The following NRG1 variants were observed in gnomAD, a reference collection of about 807,000 sequenced individuals.
NRG1 encodes neuregulin 1.
A neutral mutation model predicts 63.8 loss-of-function variants in NRG1; 18 were observed. That is an observed-to-expected ratio of 0.28 (90% CI 0.19 to 0.42). NRG1 has a LOEUF of 0.42. Ranked by LOEUF, NRG1 falls within the 10% of genes least tolerant of loss-of-function variation. The probability of loss-of-function intolerance (pLI) is 1.00; values close to 1 mark genes in which losing one functional copy is unlikely to be tolerated. For synonymous variants in NRG1, 302 were observed against 301.3 expected (o/e 1.00, Z -0.02); for missense variants, 762 against 814.7 (o/e 0.94, Z 0.79).
intron 1 of NRG1, among the ~76,000 whole-genome samples, chr8:31,719,933 A>G (rs1812738010): frequency 6.6e-6 from 1 of 152,236 alleles, no homozygotes; most frequent in African/African-American, 2.4e-5. Context: ...TAGTTTAGAC[A>G]TAGCTTTTCT....
chr8:31,886,549 G>T (rs1235962311), intron 1 of NRG1, among the ~76,000 whole-genome samples: 1 of 152,062 alleles, frequency 6.6e-6, no homozygotes, highest in African/African-American at 2.4e-5. Flanking sequence ...AATGACAAGG[G>T]TAGGCAATCA....
At chr8:32,230,690 G>T (rs911858600) in intron 1 of NRG1, among the ~76,000 whole-genome samples, 2 of 152,174 alleles carry the variant, frequency 1.3e-5, no homozygotes, top group Admixed American at 1.3e-4. Context: ...GAGTATAAAT[G>T]AAGTGTCAAA....
intron 1 of NRG1, among the ~76,000 whole-genome samples, chr8:32,171,060 G>A (rs1020858179): frequency 9.2e-5 from 14 of 152,110 alleles, no homozygotes; most frequent in African/African-American, 3.4e-4. Context: ...CTTCCTGTGT[G>A]TCTAGCTTGT....
chr8:32,415,599 A>G (rs778068050), intron 1 of NRG1, among the ~76,000 whole-genome samples: 4 of 152,206 alleles, frequency 2.6e-5, no homozygotes, highest in Non-Finnish European at 4.4e-5. Context: ...AGAGGAAAAC[A>G]GTAATTTTTG....
At chr8:31,838,939 A>G (rs576269998) in intron 1 of NRG1, among the ~76,000 whole-genome samples, 32 of 152,306 alleles carry the variant, frequency 2.1e-4, no homozygotes, top group African/African-American at 6.5e-4. Context: ...GTTAAACTAG[A>G]GTAGAAATTT....
At chr8:31,915,955 T>G (rs1233446280) in intron 1 of NRG1, among the ~76,000 whole-genome samples, 2 of 152,162 alleles carry the variant, frequency 1.3e-5, no homozygotes, top group Non-Finnish European at 2.9e-5. Context: ...TGGTCCTTAC[T>G]ACCAAGCATA....
intron 6 of NRG1, among the ~76,000 whole-genome samples, chr8:32,735,513 G>A (rs1049699414): frequency 2.6e-5 from 4 of 152,188 alleles, no homozygotes; most frequent in South Asian, 2.1e-4. Flanking sequence ...TGAGGCTGGT[G>A]AAGTGGATAA....
At chr8:32,430,594 T>C (rs942113712) in intron 1 of NRG1, among the ~76,000 whole-genome samples, 1 of 152,142 alleles carries the variant, frequency 6.6e-6, no homozygotes, top group African/African-American at 2.4e-5. Flanking sequence ...ATCTGACAAC[T>C]TGCAAATATT....
chr8:32,548,620 C>G (rs1205418276), exon 1 of NRG1: 1 of 1,399,746 alleles, frequency 7.1e-7, no homozygotes, highest in Non-Finnish European at 9.3e-7. Flanking sequence ...CGCGGCCGCT[C>G]GCTCTCCCCC....
At chr8:32,309,998 C>G (rs1856636428) in intron 1 of NRG1, among the ~76,000 whole-genome samples, 1 of 152,204 alleles carries the variant, frequency 6.6e-6, no homozygotes, top group Non-Finnish European at 1.5e-5. Flanking sequence ...GCTCAATGAA[C>G]TTGATTCACT....
At chr8:32,044,741 A>T (rs1468084720) in intron 1 of NRG1, among the ~76,000 whole-genome samples, 1 of 151,272 alleles carries the variant, frequency 6.6e-6, no homozygotes, top group East Asian at 1.9e-4. Context: ...TCAAAAAAAA[A>T]TAAATTATTT....
intron 1 of NRG1, among the ~76,000 whole-genome samples, chr8:31,760,653 G>A (rs1288064960): frequency 3.3e-5 from 5 of 152,048 alleles, no homozygotes; most frequent in East Asian, 1.9e-4. Context: ...ATATGAACAG[G>A]CACTTCTCAA....
chr8:32,225,251 C>T (rs4733309), intron 1 of NRG1, among the ~76,000 whole-genome samples: 60,966 of 152,048 alleles, frequency 0.4, 13,816 homozygotes, highest in Non-Finnish European at 0.49. Flanking sequence ...AGTTACTGCA[C>T]GGCTAACTGC....
intron 1 of NRG1, among the ~76,000 whole-genome samples, chr8:31,890,656 A>T (rs1198339347): frequency 6.6e-6 from 1 of 152,216 alleles, no homozygotes; most frequent in Non-Finnish European, 1.5e-5. Flanking sequence ...GACACATGCT[A>T]ATGAAACTTT....
intron 1 of NRG1, among the ~76,000 whole-genome samples, chr8:31,973,139 T>C (rs1807577338): frequency 6.6e-6 from 1 of 152,152 alleles, no homozygotes; most frequent in African/African-American, 2.4e-5. Context: ...CTAGAATGTA[T>C]CTGGGATTTT....
chr8:32,766,641 C>A (rs1204497309), exon 12 of NRG1: 52 of 152,134 alleles, frequency 3.4e-4, no homozygotes, highest in Admixed American at 3.3e-3. Flanking sequence ...CTGTTGAGAA[C>A]CATGAGCAAC....
intron 1 of NRG1, among the ~76,000 whole-genome samples, chr8:31,946,873 T>C (rs1302918361): frequency 6.6e-6 from 1 of 152,248 alleles, no homozygotes; most frequent in Non-Finnish European, 1.5e-5. Context: ...CTATAAAAGA[T>C]AGATTTGAGA....
At chr8:31,843,274 G>A (rs1056612058) in intron 1 of NRG1, among the ~76,000 whole-genome samples, 6 of 152,204 alleles carry the variant, frequency 3.9e-5, no homozygotes, top group Non-Finnish European at 8.8e-5. Context: ...GGAAGGGACA[G>A]GGTTGTGCTC....
chr8:32,130,914 T>C (rs1173945135), intron 1 of NRG1, among the ~76,000 whole-genome samples: 2 of 151,974 alleles, frequency 1.3e-5, no homozygotes, highest in Non-Finnish European at 2.9e-5. Context: ...TTCAAGGCAG[T>C]TTGCAGCTTG....
Sources: allele counts gnomAD v4.1 joint callset (sites outside exome capture counted in the v4.1 genomes callset), GRCh38; gene constraint gnomAD v4.1.1; transcripts MANE v1.5; gene names NCBI Gene and HGNC (gene_info 2026-07-23, HGNC 2026-07-21).